BCAN: variants seen among roughly 807,000 people sequenced by gnomAD.
BCAN encodes brevican core protein.
A neutral mutation model predicts 92.4 loss-of-function variants in BCAN; 51 were observed. The observed-to-expected ratio is 0.55, with a 90% CI of 0.44 to 0.70. BCAN has a LOEUF of 0.70. BCAN is among the 30% of genes least tolerant of loss of function. The pLI is 0.00. For missense variants in BCAN, 1,140 were observed against 1,212.1 expected (o/e 0.94, Z 0.88); for synonymous variants, 501 against 505.2 (o/e 0.99, Z 0.11).
At position 156,651,459 on chromosome 1, in the gene BCAN, C is replaced by T. The variant is rs12065791; in HGVS notation, c.1067C>T (p.Ser356Leu). The T allele has an allele frequency of 8.3e-3, 13,447 of 1,613,016 alleles. 943 individuals carry two copies. The African/African-American group carries it at 0.15, about 18-fold the overall frequency. Residue 356 changes from serine to leucine, a missense_variant, in exon 7 of 14, where the codon TCG (serine) becomes TTG (leucine). By Grantham distance (145) the Ser-to-Leu change is moderately radical (BLOSUM62 -2). This residue lies in a region of BCAN where 825 missense variants were observed against 871.8 expected (regional missense o/e 0.95). Coordinates refer to ENST00000329117, the MANE Select transcript of BCAN (RefSeq NM_021948.5). ...SRFNVYCFRD[S>L]AQPSAIPEAS... ...CAATACTTTCCTCCTGCCACAGACT[C>T]GGCCCAGCCTTCTGCCATCCCTGAG...
Position 156,652,351 on chromosome 1 carries a change from G to A in BCAN, c.1401G>A (p.Glu467=), listed in dbSNP as rs377376223. ...ATGAAGATGAAGAAGAGAAAGAGGAGGAAGAAGAAGAGGAGGAGGTGGAGG... is the reference window on the plus strand; with the variant it reads ...ATGAAGATGAAGAAGAGAAAGAGGAAGAAGAAGAAGAGGAGGAGGTGGAGG... ...EKYEDEEEKE[E]EEEEEEVEDE... The change falls in exon 8 of 14, where the codon GAG becomes GAA. Residue 467 remains glutamate (E), a synonymous_variant. Coordinates refer to ENST00000329117, the MANE Select transcript of BCAN (RefSeq NM_021948.5). 32 of 1,613,898 alleles carry A rather than the reference G, an allele frequency of 2.0e-5. No individual in the cohort carries two copies. The African/African-American group carries it at 3.3e-4, about 17-fold the overall frequency.
intron 10 of BCAN, 115 bp from the exon 11 acceptor site, chr1:156,657,560 C>T (rs1053070206): frequency 3.9e-6 from 3 of 766,342 alleles, no homozygotes; most frequent in Middle Eastern, 2.6e-4. Context: ...CCGACAAGGG[C>T]GGGTGCTGGA....
At chr1:156,656,783 C>T (rs1253266287) in intron 9 of BCAN, 155 bp from the exon 10 acceptor site, 2 of 1,025,700 alleles carry the variant, frequency 1.9e-6, no homozygotes, top group African/African-American at 3.2e-5. Flanking sequence ...GCTCCTGCTA[C>T]CCCCTCATTC....
chr1:156,642,292 C>A lies in BCAN; in HGVS notation c.-9+17C>A, dbSNP rs975047184. ...CCTGGGTAGGTGAGTGCCTCCGCAG[C>A]CCCGCCGCCCGCCGTGGGGTCGGGG... On this transcript the variant is annotated intron_variant, in intron 1 of 13. Coordinates refer to ENST00000329117, the MANE Select transcript of BCAN (RefSeq NM_021948.5). This position sits in a 1 kb window ranked among gnomAD's most constrained non-coding sequence, Gnocchi z 4.2. The A allele has an allele frequency of 8.5e-5, 13 of 152,422 alleles. No individual in the cohort carries two copies. The highest frequency in any genetic ancestry group is 3.1e-4 in the African/African-American group (13 of 41,458). The allele number at this position is 152,422 out of a possible 1,614,324, so 9.4% of individuals were successfully genotyped here. A position where few individuals can be genotyped will look rare whatever the true frequency, so the allele number is the denominator to read the frequency against.
At chr1:156,648,888 A>T (rs1188902117) in intron 6 of BCAN, 27 bp downstream of exon 6, 18 of 1,531,494 alleles carry the variant, frequency 1.2e-5, no homozygotes, top group Non-Finnish European at 1.6e-5. Context: ...GCAGAAGCTG[A>T]GACCAATCTC....
In BCAN at chr1:156,656,397, T is replaced by C; in HGVS notation, c.2050+8T>C. On this transcript the variant is annotated splice_region_variant and intron_variant, in intron 9 of 13. Transcript: ENST00000329117. ...GGGACCTGTGCGATGTTGGTGAGTG[T>C]TGAGGGACGGGGGGCAGGTTTGAAG... 7.5e-7 allele frequency: 1 copy of C among 1,333,282 alleles called. No individual in the cohort carries two copies. Among genetic ancestry groups the C allele is most frequent in the Non-Finnish European group, 9.7e-7 (1 of 1,027,646 alleles). The allele number at this position is 1,333,282 out of a possible 1,614,324, so 82.6% of individuals were successfully genotyped here.
At chr1:156,652,925 A>T in intron 8 of BCAN, 33 bp downstream of exon 8, 2 of 1,608,364 alleles carry the variant, frequency 1.2e-6, no homozygotes, top group Admixed American at 3.3e-5. Flanking sequence ...TGCCCTCTCT[A>T]TCCTACTCCT....
rs1318275038 is a variant in BCAN, at chr1:156,647,720, C to T, written c.641+38C>T. 1.9e-6 allele frequency: 3 copies of T among 1,559,816 alleles called. No individual in the cohort carries two copies. The highest frequency in any genetic ancestry group is 3.7e-5 in the Admixed American group (2 of 54,620). ...TGTGGATTGGGGCTTCTATTGGCCC[C>T]TGAGGTGGCCATGGCCCCCCTTCTG... On this transcript the variant is annotated intron_variant, in intron 4 of 13. Coordinates refer to ENST00000329117, the MANE Select transcript of BCAN (RefSeq NM_021948.5). The surrounding 1 kb of genome is among the most constrained non-coding windows in gnomAD (Gnocchi z 4.8).
chr1:156,657,495 C>T (rs1245387059), intron 10 of BCAN, 180 bp from the exon 11 acceptor site: 1 of 569,662 alleles, frequency 1.8e-6, no homozygotes, highest in East Asian at 3.0e-5. Flanking sequence ...TATTCTCCCA[C>T]CCCCATTCCC....
chr1:156,657,539 G>C, intron 10 of BCAN, 136 bp from the exon 11 acceptor site: 1 of 655,424 alleles, frequency 1.5e-6, no homozygotes. Context: ...CAGAGGCTGG[G>C]GTAGAAGAAC....
Position 156,659,030 on chromosome 1 carries a change from C to T in BCAN, c.2632C>T (p.Arg878Ter), listed in dbSNP as rs761477077. ...QISCVPRRPA[R>*]ALHPEEDPEG... ...GGTGAGTGTGTGTCTTCCCCAGGCCCGAGCTCTGCACCCAGAGGAGGACCC... is the reference window on the plus strand; with the variant it reads ...GGTGAGTGTGTGTCTTCCCCAGGCCTGAGCTCTGCACCCAGAGGAGGACCC... Residue 878 changes from arginine to a stop codon, truncating the protein, a stop_gained, in exon 14 of 14, where the codon CGA becomes TGA. Coordinates refer to ENST00000329117, the MANE Select transcript of BCAN (RefSeq NM_021948.5). LOFTEE classifies it low-confidence loss of function (END_TRUNC). 48 of 1,596,652 alleles carry T rather than the reference C, an allele frequency of 3.0e-5. No individual in the cohort carries two copies. Among genetic ancestry groups the T allele is most frequent in the Middle Eastern group, 1.6e-4 (1 of 6,062 alleles).
intron 6 of BCAN, among the ~76,000 whole-genome samples, chr1:156,650,780 T>C (rs1330306073): frequency 3.9e-5 from 6 of 152,158 alleles, no homozygotes; most frequent in Admixed American, 6.5e-5. Context: ...CTGTCTCTAC[T>C]AAAAATACAA....
At position 156,646,100 on chromosome 1, in the gene BCAN, C is replaced by T; in HGVS notation, c.46C>T (p.Gln16Ter). 1.2e-6 allele frequency: 2 copies of T among 1,613,958 alleles called. No individual in the cohort carries two copies. The highest frequency in any genetic ancestry group is 1.7e-6 in the Non-Finnish European group (2 of 1,179,838). The change falls in exon 2 of 14, where the codon CAG becomes TAG. Residue 16 changes from glutamine to a stop codon, truncating the protein, a stop_gained. Transcript: ENST00000329117. LOFTEE classifies it high-confidence loss of function. ...CCTGCTGGCAGCCCTGGTCCTGGCC[C>T]AGGCTCCTGCAGCTTTAGCAGATGT... ...LPLLAALVLA[Q>*]APAALADVLE...
intron 1 of BCAN, chr1:156,644,723 T>G: frequency 6.6e-6 from 1 of 152,182 alleles, no homozygotes. Context: ...CTTAGGAAAG[T>G]GCAGGGACAG....
Position 156,659,039 on chromosome 1 carries a change from C to A in BCAN, c.2641C>A (p.His881Asn). 1 of 1,599,808 alleles carries A rather than the reference C, an allele frequency of 6.3e-7. No homozygotes were observed. Residue 881 changes from histidine to asparagine, a missense_variant, in exon 14 of 14, where the codon CAC (histidine) becomes AAC (asparagine). By Grantham distance (68) the His-to-Asn change is moderately conservative. Transcript: ENST00000329117. ...GTGTCTTCCCCAGGCCCGAGCTCTG[C>A]ACCCAGAGGAGGACCCAGAAGGACG... ...CVPRRPARAL[H>N]PEEDPEGRQG...
At chr1:156,653,622 G>A (rs41267393) in intron 8 of BCAN, 117 of 890,938 alleles carry the variant, frequency 1.3e-4, no homozygotes, top group Non-Finnish European at 1.5e-4. Context: ...TTTCATTTTC[G>A]GCTTCTCCCC....
In BCAN at chr1:156,646,746, G is replaced by A. The variant is rs1359349636; in HGVS notation, c.92-55G>A. 61 of 1,509,454 alleles carry A rather than the reference G, an allele frequency of 4.0e-5. 1 individual carries two copies. The African/African-American group carries it at 5.4e-4, about 13-fold the overall frequency. The allele number at this position is 1,509,454 out of a possible 1,614,324, so 93.5% of individuals were successfully genotyped here. A position where few individuals can be genotyped will look rare whatever the true frequency, so the allele number is the denominator to read the frequency against. On this transcript the variant is annotated intron_variant, in intron 2 of 13. Coordinates refer to ENST00000329117, the MANE Select transcript of BCAN (RefSeq NM_021948.5). ...TGGAGCGGGGCTTGGAGGCCACCGG[G>A]TGGGACTCTGAGGGTCGACAGCGTT...
At chr1:156,652,201 T>A in intron 7 of BCAN, 47 bp from the exon 8 acceptor site, 1 of 1,538,446 alleles carries the variant, frequency 6.5e-7, no homozygotes, top group Admixed American at 2.1e-5. Flanking sequence ...CTTTCGGTCC[T>A]TGGACAGACG....
intron 11 of BCAN, 138 bp from the exon 12 acceptor site, chr1:156,657,989 C>T: frequency 9.4e-7 from 1 of 1,064,828 alleles, no homozygotes; most frequent in Middle Eastern, 2.3e-4. Context: ...TTCCCCTTCC[C>T]CGGGAGATCC....
Sources: gnomAD v4.1 joint callset for allele counts (sites outside exome capture counted in the v4.1 genomes callset) on GRCh38, gnomAD v4.1.1 for gene constraint, gnomAD v4.1.1 regional missense constraint, Gnocchi (gnomAD v3.1) non-coding constraint, MANE v1.5 for transcripts, NCBI Gene and HGNC (gene_info 2026-07-23, HGNC 2026-07-21) for gene names.